USP48: variants seen among roughly 807,000 people sequenced by gnomAD.
USP48 encodes the protein ubiquitin carboxyl-terminal hydrolase 48.
Under a neutral mutation model 150.7 loss-of-function variants are expected in USP48, and 43 were observed. The observed-to-expected ratio is 0.29, with a 90% CI of 0.22 to 0.37. USP48 has a LOEUF of 0.37. Among genes scored for constraint, USP48 ranks in the 10% least tolerant of loss-of-function variants. The probability of loss-of-function intolerance (pLI) is 1.00; values close to 1 mark genes in which losing one functional copy is unlikely to be tolerated. For synonymous variants in USP48, 396 were observed against 425.9 expected, an observed-to-expected ratio of 0.93 and a Z score of 0.86; for missense variants, 813 against 1,249.6, an observed-to-expected ratio of 0.65 and a Z score of 5.27.
intron 5 of USP48, among the ~76,000 whole-genome samples, chr1:21,752,067 T>C (rs1439503208): frequency 6.6e-6 from 1 of 151,486 alleles, no homozygotes; most frequent in Non-Finnish European, 1.5e-5. Flanking sequence ...CTGGTGAAGC[T>C]AAACATTCGT....
intron 1 of USP48, among the ~76,000 whole-genome samples, chr1:21,775,633 A>C (rs2097896253): frequency 6.6e-6 from 1 of 152,232 alleles, no homozygotes; most frequent in Non-Finnish European, 1.5e-5. Flanking sequence ...AGTGCTTCAC[A>C]CATTTCTGTA....
chr1:21,760,670 C>T (rs778001108), intron 1 of USP48, among the ~76,000 whole-genome samples: 5 of 151,700 alleles, frequency 3.3e-5, no homozygotes, highest in African/African-American at 4.8e-5. Context: ...GAGCCGAGAT[C>T]GTGCCACTGC....
chr1:21,771,358 A>G (rs1028462355), intron 1 of USP48, among the ~76,000 whole-genome samples: 3 of 150,818 alleles, frequency 2.0e-5, no homozygotes, highest in South Asian at 2.1e-4. Context: ...TGGGCGACAG[A>G]GCAAGACTCC....
intron 22 of USP48, among the ~76,000 whole-genome samples, chr1:21,697,616 T>C (rs1215150627): frequency 8.8e-5 from 13 of 148,556 alleles, no homozygotes; most frequent in Non-Finnish European, 1.8e-4. Flanking sequence ...TGAGCTGAGA[T>C]TGCACCACTG....
chr1:21,776,646 T>C (rs2097899723), intron 1 of USP48, among the ~76,000 whole-genome samples: 1 of 150,190 alleles, frequency 6.7e-6, no homozygotes, highest in Non-Finnish European at 1.5e-5. Flanking sequence ...AGAGAGCTTT[T>C]TGGATATCTA....
At chr1:21,760,994 T>C (rs771507512) in intron 1 of USP48, among the ~76,000 whole-genome samples, 1 of 151,306 alleles carries the variant, frequency 6.6e-6, no homozygotes, top group Non-Finnish European at 1.5e-5. Context: ...GTTGGGAGGC[T>C]GAGGCAGGAG....
intron 15 of USP48, among the ~76,000 whole-genome samples, chr1:21,708,824 G>A (rs1167233918): frequency 3.4e-5 from 5 of 145,844 alleles, no homozygotes; most frequent in African/African-American, 5.1e-5. Flanking sequence ...GGCAGAGGTT[G>A]CAGTGAGCCA....
chr1:21,761,921 T>C (rs542320327), intron 1 of USP48, among the ~76,000 whole-genome samples: 21 of 152,350 alleles, frequency 1.4e-4, no homozygotes, highest in African/African-American at 4.1e-4. Flanking sequence ...GGTTTTGTTT[T>C]AGTGCTTATA....
At chr1:21,757,089 C>G in intron 2 of USP48, 1 of 793,350 alleles carries the variant, frequency 1.3e-6, no homozygotes, top group Non-Finnish European at 1.5e-6. Context: ...ATGCAGAAAA[C>G]TTCCTTTATA....
intron 14 of USP48, among the ~76,000 whole-genome samples, chr1:21,719,832 C>T (rs962842961): frequency 5.3e-5 from 8 of 151,828 alleles, no homozygotes; most frequent in Non-Finnish European, 1.0e-4. Context: ...TGCAGGGAGC[C>T]GAGACTGCGT....
At chr1:21,694,608 C>CAAAAAAAAAAAAAAAAA (rs1491189889) in intron 23 of USP48, among the ~76,000 whole-genome samples, 1 of 28,982 alleles carries the variant, frequency 3.5e-5, no homozygotes, top group East Asian at 1.4e-3. Flanking sequence ...AAAAAAAAAA[C>CAAAAAAAAAAAAAAAAA]CCCCTCTATC....
At chr1:21,682,814 G>A (rs2097569822) in intron 25 of USP48, among the ~76,000 whole-genome samples, 1 of 151,600 alleles carries the variant, frequency 6.6e-6, no homozygotes, top group South Asian at 2.1e-4. Flanking sequence ...CGGGGAGATT[G>A]TAGTGAGCCA....
chr1:21,701,533 T>G lies in USP48; in HGVS notation c.2692A>C (p.Lys898Gln). Residue 898 changes from lysine (K) to glutamine (Q), a missense_variant, in exon 22 of 27, where the codon AAA becomes CAA. By Grantham distance (53) the Lys-to-Gln change is moderately conservative (BLOSUM62 1). Coordinates refer to ENST00000308271, the MANE Select transcript of USP48 (RefSeq NM_032236.8). ...TCTGGATCTTTTTCTCCATCTGGTT[T>G]AGCTTCTTCCTTGTCCTCCTCTGTT... ...SETEEDKEEA[K>Q]PDGEKDPDFN... is the part of the protein sequence containing the mutation. 8 of 1,614,078 alleles carry G rather than the reference T, an allele frequency of 5.0e-6. No individual in the cohort carries two copies. The highest frequency in any genetic ancestry group is 6.8e-6 in the Non-Finnish European group (8 of 1,179,944).
At chr1:21,702,900 CCTGT>C (rs1339807588) in intron 21 of USP48, among the ~76,000 whole-genome samples, 7 of 152,258 alleles carry the variant, frequency 4.6e-5, no homozygotes, top group Admixed American at 2.0e-4. Flanking sequence ...GAACCTAGAA[CCTGT>C]CTATCACCAC....
At chr1:21,721,921 T>C (rs1295843863) in intron 12 of USP48, among the ~76,000 whole-genome samples, 157 bp from the exon 13 acceptor site, 1 of 152,162 alleles carries the variant, frequency 6.6e-6, no homozygotes, top group Non-Finnish European at 1.5e-5. Context: ...ATTATTTTAC[T>C]AAGACAATTA....
intron 1 of USP48, among the ~76,000 whole-genome samples, chr1:21,771,972 G>A (rs2097882217): frequency 6.6e-6 from 1 of 151,898 alleles, no homozygotes; most frequent in South Asian, 2.1e-4. Flanking sequence ...AATTTGCCAT[G>A]TAATAAAGGT....
rs2097670468 is a variant in USP48, at chr1:21,705,770, G to A, written c.2341C>T (p.Leu781Phe). 6.2e-7 allele frequency: 1 copy of A among 1,612,272 alleles called. No homozygotes were observed. The highest frequency in any genetic ancestry group is 8.5e-7 in the Non-Finnish European group (1 of 1,179,438). Residue 781 changes from leucine (L) to phenylalanine (F), a missense_variant, in exon 19 of 27, where the codon CTC becomes TTC. Coordinates refer to ENST00000308271, the MANE Select transcript of USP48 (RefSeq NM_032236.8). ...GTCATGGAAGCAAATGTAAACATGA[G>A]GCCCCCGTGGGGACACAAAAGAGCA... ...NSALLCPHGG[L>F]MFTFASMTKE...
chr1:21,775,147 T>A (rs2097894460), intron 1 of USP48, among the ~76,000 whole-genome samples: 1 of 151,866 alleles, frequency 6.6e-6, no homozygotes, highest in Non-Finnish European at 1.5e-5. Flanking sequence ...CAAGCTGGAG[T>A]GCGGTGGCAT....
chr1:21,724,057 A>G lies in USP48; in HGVS notation c.1489T>C (p.Trp497Arg). Residue 497 changes from tryptophan (W) to arginine (R), a missense_variant, in exon 12 of 27, where the codon TGG (tryptophan) becomes CGG (arginine). Coordinates refer to ENST00000308271, the MANE Select transcript of USP48 (RefSeq NM_032236.8). ...EFVSLEWLQK[W>R]LDESTPTKPI... ...TTGGTAGGTGTTGATTCATCCAACC[A>G]CTTTTGCAGCCATTCCAGAGAGACA... The G allele has an allele frequency of 6.2e-7, 1 of 1,614,216 alleles. No individual in the cohort carries two copies. Among genetic ancestry groups the G allele is most frequent in the Non-Finnish European group, 8.5e-7 (1 of 1,180,034 alleles).
Sources: gnomAD v4.1 joint callset for allele counts (sites outside exome capture counted in the v4.1 genomes callset) on GRCh38, gnomAD v4.1.1 for gene constraint, MANE v1.5 for transcripts, NCBI Gene and HGNC (gene_info 2026-07-23, HGNC 2026-07-21) for gene names.